Variants in ILDR1 observed in about 807,000 individuals in gnomAD.
The protein encoded by ILDR1 is immunoglobulin like domain containing receptor 1.
Under a neutral mutation model 62.4 loss-of-function variants are expected in ILDR1, and 56 were observed. That is an observed-to-expected ratio of 0.90 (90% CI 0.72 to 1.12). ILDR1 has a LOEUF of 1.12. ILDR1 is among the 50% of genes most tolerant of loss of function. The probability of loss-of-function intolerance (pLI) is 0.00; values close to 1 mark genes in which losing one functional copy is unlikely to be tolerated. For synonymous variants in ILDR1, 284 were observed against 277.8 expected, an observed-to-expected ratio of 1.02 and a Z score of -0.22; for missense variants, 736 against 710.6, an observed-to-expected ratio of 1.04 and a Z score of -0.41.
chr3:121,998,773 C>T (rs1397297073), intron 5 of ILDR1, among the ~76,000 whole-genome samples: 4 of 152,094 alleles, frequency 2.6e-5, no homozygotes, highest in Non-Finnish European at 2.9e-5. Flanking sequence ...AGGTAGGGGG[C>T]CCCACAGTCC....
intron 7 of ILDR1, among the ~76,000 whole-genome samples, chr3:121,990,324 C>G (rs2071323563): frequency 6.6e-6 from 1 of 152,226 alleles, no homozygotes; most frequent in Admixed American, 6.5e-5. Context: ...AGCTTTGATC[C>G]TGGGCCTCTG....
At chr3:122,045,871 C>A in the ILDR1 span, among the ~76,000 whole-genome samples, 1 of 151,484 alleles carries the variant, frequency 6.6e-6, no homozygotes, top group Non-Finnish European at 1.5e-5. Flanking sequence ...ACTCTTTATC[C>A]AGTTTGCCAG....
the ILDR1 span, chr3:122,055,269 G>C: frequency 1.9e-6 from 1 of 534,620 alleles, no homozygotes; most frequent in Non-Finnish European, 3.3e-6. Context: ...TAAACTGCAA[G>C]GAAAGGGTTA....
At chr3:122,037,862 T>C in the ILDR1 span, among the ~76,000 whole-genome samples, 18 of 152,176 alleles carry the variant, frequency 1.2e-4, no homozygotes, top group Admixed American at 9.8e-4. Flanking sequence ...CTCCTTGTTG[T>C]TCTCATGATA....
intron 1 of ILDR1, among the ~76,000 whole-genome samples, chr3:122,016,417 T>C (rs926277971): frequency 6.6e-6 from 1 of 152,246 alleles, no homozygotes; most frequent in African/African-American, 2.4e-5. Flanking sequence ...CAAGTGCACA[T>C]TAAACATTTG....
At chr3:122,045,994 A>T in the ILDR1 span, among the ~76,000 whole-genome samples, 3 of 145,408 alleles carry the variant, frequency 2.1e-5, no homozygotes, top group Non-Finnish European at 4.6e-5. Context: ...TCGTTAGTTG[A>T]TGCAGTTTCT....
At chr3:122,000,784 T>G (rs1559874739) in intron 5 of ILDR1, among the ~76,000 whole-genome samples, 1 of 152,126 alleles carries the variant, frequency 6.6e-6, no homozygotes, top group Admixed American at 6.5e-5. Flanking sequence ...TCCAGGTAAA[T>G]AGCATCAGAA....
the ILDR1 span, among the ~76,000 whole-genome samples, chr3:122,057,512 A>G: frequency 1.3e-5 from 2 of 152,242 alleles, no homozygotes; most frequent in Admixed American, 1.3e-4. Flanking sequence ...CATGTATACA[A>G]ACAATATTAA....
chr3:122,003,545 T>A (rs1314597397), intron 3 of ILDR1, among the ~76,000 whole-genome samples: 3 of 152,180 alleles, frequency 2.0e-5, no homozygotes, highest in Non-Finnish European at 2.9e-5. Context: ...AGTTTTCAGA[T>A]ATGTTAATAT....
At chr3:122,047,718 A>T in the ILDR1 span, among the ~76,000 whole-genome samples, 2 of 151,950 alleles carry the variant, frequency 1.3e-5, no homozygotes, top group African/African-American at 2.4e-5. Context: ...CAGAAAGGGA[A>T]CTCCCTGACC....
chr3:121,994,069 C>T (rs2071400786), intron 6 of ILDR1, 99 bp from the exon 7 acceptor site: 9 of 1,492,468 alleles, frequency 6.0e-6, no homozygotes, highest in Admixed American at 5.8e-5. Context: ...ATGAATCCCT[C>T]CCATCTCCAT....
the ILDR1 span, among the ~76,000 whole-genome samples, chr3:122,041,276 A>C: frequency 6.6e-6 from 1 of 152,192 alleles, no homozygotes; most frequent in Non-Finnish European, 1.5e-5. Flanking sequence ...GAATGGATGA[A>C]TGTCATTATC....
Position 121,993,426 on chromosome 3 carries a change from G to A in ILDR1, c.1323C>T (p.Ser441=), listed in dbSNP as rs763407271. ...RWRPSHPPFR[S]RCQERPRRPS... is the part of the protein sequence containing the mutation. ...GCCTGCGGGGCCTCTCCTGACAGCG[G>A]CTCCTGAAAGGAGGGTGGCTCGGCC... Residue 441 remains serine (S), a synonymous_variant, in exon 7 of 8, where the codon AGC becomes AGT. Coordinates refer to ENST00000344209, the MANE Select transcript of ILDR1 (RefSeq NM_001199799.2). The A allele has an allele frequency of 8.7e-6, 14 of 1,613,820 alleles. No individual in the cohort carries two copies. The highest frequency in any genetic ancestry group is 1.2e-5 in the Non-Finnish European group (14 of 1,179,934).
chr3:121,993,235 G>C lies in ILDR1; in HGVS notation c.1514C>G (p.Pro505Arg). ...GCGGTAGCTAGGCGGCTTCTCCTCG[G>C]GCCAGTGTGGGGAGTGCGAGCCGCG... is the stretch of plus-strand genomic sequence containing the variant. ...HRRGSHSPHWPEEKPPSYRSL... is the reference protein window; with the variant it reads ...HRRGSHSPHWREEKPPSYRSL... The change falls in exon 7 of 8, where the codon CCC becomes CGC. Residue 505 changes from proline to arginine, a missense_variant. Physicochemically the swap from Pro to Arg is moderately radical, Grantham distance 103. Transcript: ENST00000344209. 6.2e-7 allele frequency: 1 copy of C among 1,613,986 alleles called. No individual in the cohort carries two copies. Among genetic ancestry groups the C allele is most frequent in the South Asian group, 1.1e-5 (1 of 91,064 alleles).
chr3:122,043,328 A>G, the ILDR1 span, among the ~76,000 whole-genome samples: 2 of 150,446 alleles, frequency 1.3e-5, no homozygotes, highest in Non-Finnish European at 3.0e-5. Flanking sequence ...GCCTTGTAGT[A>G]TAGTTTGAAG....
chr3:122,008,905 C>A (rs1389247242), intron 1 of ILDR1, among the ~76,000 whole-genome samples: 1 of 150,312 alleles, frequency 6.7e-6, no homozygotes, highest in Admixed American at 6.6e-5. Context: ...AGCCACTGCA[C>A]CTGGCCTTCT....
the ILDR1 span, among the ~76,000 whole-genome samples, chr3:122,033,204 T>C: frequency 1.3e-5 from 2 of 152,152 alleles, no homozygotes; most frequent in African/African-American, 2.4e-5. Context: ...TGTGAGATGG[T>C]ATTTTGCTGT....
chr3:122,058,980 T>C, the ILDR1 span, among the ~76,000 whole-genome samples: 3 of 152,110 alleles, frequency 2.0e-5, no homozygotes, highest in African/African-American at 7.2e-5. Flanking sequence ...AGGAGAGATC[T>C]AAGTGCATAG....
the ILDR1 span, among the ~76,000 whole-genome samples, chr3:122,054,343 G>A: frequency 6.6e-6 from 1 of 151,806 alleles, no homozygotes; most frequent in Non-Finnish European, 1.5e-5. Flanking sequence ...TATTATTCTG[G>A]AATATATCCT....
Sources: allele counts gnomAD v4.1 joint callset (sites outside exome capture counted in the v4.1 genomes callset), GRCh38; gene constraint gnomAD v4.1.1; transcripts MANE v1.5; gene names NCBI Gene and HGNC (gene_info 2026-07-23, HGNC 2026-07-21).